KDM6A: variants seen among roughly 807,000 people sequenced by gnomAD.
KDM6A encodes the protein lysine demethylase 6A.
KDM6A carries 11 observed loss-of-function variants against 117.6 expected under a neutral mutation model. The observed-to-expected ratio is 0.09, with a 90% CI of 0.06 to 0.15. The LOEUF (loss-of-function observed/expected upper bound fraction) is 0.15. Among genes scored for constraint, KDM6A ranks in the 10% least tolerant of loss-of-function variants. KDM6A has a pLI of 1.00. For missense variants in KDM6A, 799 were observed against 1,077.3 expected (o/e 0.74, Z 3.62); for synonymous variants, 384 against 396.1 (o/e 0.97, Z 0.36).
intron 2 of KDM6A, among the ~76,000 whole-genome samples, chrX:44,889,287 T>G (rs1247984617): frequency 8.9e-6 from 1 of 112,248 alleles, no homozygotes; most frequent in Non-Finnish European, 1.9e-5. Context: ...AGTACTGGAA[T>G]TGCAGGTGTG....
intron 5 of KDM6A, among the ~76,000 whole-genome samples, chrX:45,011,755 AGTTT>A (rs1163302528): frequency 1.8e-5 from 2 of 110,808 alleles, no homozygotes; most frequent in African/African-American, 3.3e-5. Context: ...TTTCCTCTTT[AGTTT>A]GTTTATTTAT....
intron 27 of KDM6A, among the ~76,000 whole-genome samples, chrX:45,104,088 G>C (rs750043643): frequency 1.9e-5 from 2 of 105,758 alleles, no homozygotes; most frequent in Non-Finnish European, 3.9e-5. Flanking sequence ...GCAATGGTGC[G>C]ATCTCGTCTC....
Position 44,873,457 on chromosome X carries a change from G to T in KDM6A, c.-95G>T. ...CGGAGGAGGAGGCGGCGATAAAGTTGGTGTGCTGGTCCCGCGCGCAGATTG... is the reference window on the plus strand; with the variant it reads ...CGGAGGAGGAGGCGGCGATAAAGTTTGTGTGCTGGTCCCGCGCGCAGATTG... On this transcript the variant is annotated 5_prime_UTR_variant, in exon 1 of 30. Transcript: ENST00000611820. The T allele has an allele frequency of 8.9e-7, 1 of 1,122,256 alleles. No individual in the cohort carries two copies. Among genetic ancestry groups the T allele is most frequent in the Non-Finnish European group, 1.2e-6 (1 of 820,867 alleles). 92.5% of individuals were successfully genotyped at this position (1,122,256 alleles called of 1,213,427 possible). A position where few individuals can be genotyped will look rare whatever the true frequency, so the allele number is the denominator to read the frequency against.
intron 6 of KDM6A, among the ~76,000 whole-genome samples, chrX:45,021,941 GT>G (rs1307613934): frequency 8.9e-6 from 1 of 112,107 alleles, no homozygotes; most frequent in Non-Finnish European, 1.9e-5. Context: ...TGGAAAATAA[GT>G]TTATAAAGCT....
intron 18 of KDM6A, among the ~76,000 whole-genome samples, chrX:45,074,509 A>G (rs746722176): frequency 1.8e-5 from 2 of 111,986 alleles, no homozygotes; most frequent in East Asian, 2.8e-4. Flanking sequence ...GGAAATTCCT[A>G]TGTGTTTGAA....
chrX:45,068,810 C>CTCTTTCTCTTTCTCTTTCTCTT (rs2044675908), intron 17 of KDM6A, among the ~76,000 whole-genome samples: 1 of 101,336 alleles, frequency 9.9e-6, no homozygotes, highest in Non-Finnish European at 2.0e-5. Flanking sequence ...CTTTCTCTTT[C>CTCTTTCTCTTTCTCTTTCTCTT]TCTTTCTCTT....
chrX:44,902,395 C>T (rs2034406016), intron 2 of KDM6A, among the ~76,000 whole-genome samples: 1 of 104,855 alleles, frequency 9.5e-6, no homozygotes, highest in Non-Finnish European at 1.9e-5. Context: ...TCCATTTCTA[C>T]CTTTTTTTTT....
At chrX:45,032,242 A>G (rs1464068098) in intron 6 of KDM6A, among the ~76,000 whole-genome samples, 1 of 111,754 alleles carries the variant, frequency 8.9e-6, no homozygotes, top group East Asian at 2.8e-4. Flanking sequence ...TTGCAGGGAA[A>G]GGTGCTGGAT....
intron 27 of KDM6A, among the ~76,000 whole-genome samples, chrX:45,093,503 A>C (rs2045979751): frequency 9.0e-6 from 1 of 110,988 alleles, no homozygotes; most frequent in Admixed American, 9.6e-5. Context: ...AGTACAGACC[A>C]ACCTGGACAG....
At position 45,085,933 on chromosome X, in the gene KDM6A, G is replaced by C; in HGVS notation, c.3658G>C (p.Val1220Leu). ...TGGCCCAGGTGACTGTGAATGGTTTGTTGTTCCTGAAGGTTACTGGGGTGT... is the reference window on the plus strand; with the variant it reads ...TGGCCCAGGTGACTGTGAATGGTTTCTTGTTCCTGAAGGTTACTGGGGTGT... ...NIGPGDCEWF[V>L]VPEGYWGVLN... The change falls in exon 25 of 30, where the codon GTT becomes CTT. Residue 1220 changes from valine (V) to leucine (L), a missense_variant. Val to Leu is a conservative substitution (Grantham distance 32). Transcript: ENST00000611820. The C allele has an allele frequency of 8.3e-7, 1 of 1,203,878 alleles. No individual in the cohort carries two copies. Among genetic ancestry groups the C allele is most frequent in the Non-Finnish European group, 1.1e-6 (1 of 888,490 alleles).
intron 27 of KDM6A, among the ~76,000 whole-genome samples, chrX:45,102,217 T>C (rs910640058): frequency 2.1e-4 from 24 of 112,151 alleles, no homozygotes; most frequent in Non-Finnish European, 7.5e-5. Context: ...GGAACTCTTA[T>C]TAAAATAGGT....
intron 19 of KDM6A, among the ~76,000 whole-genome samples, chrX:45,077,870 A>G (rs919271193): frequency 9.0e-6 from 1 of 110,926 alleles, no homozygotes; most frequent in African/African-American, 3.3e-5. Flanking sequence ...TGTCCAACCA[A>G]TCTCCAGAAC....
chrX:45,094,308 T>C (rs1289079886), intron 27 of KDM6A, among the ~76,000 whole-genome samples: 1 of 111,745 alleles, frequency 8.9e-6, no homozygotes, highest in Non-Finnish European at 1.9e-5. Context: ...CACTGATGTT[T>C]CCAGCCCAAG....
intron 8 of KDM6A, among the ~76,000 whole-genome samples, chrX:45,048,355 CT>C (rs763819483): frequency 2.7e-5 from 3 of 110,623 alleles, no homozygotes; most frequent in Non-Finnish European, 3.8e-5. Flanking sequence ...TATATTTTTG[CT>C]TTATTAGCCA....
chrX:45,052,352 G>A (rs1222129497), intron 9 of KDM6A, among the ~76,000 whole-genome samples: 1 of 111,559 alleles, frequency 9.0e-6, no homozygotes, highest in Non-Finnish European at 1.9e-5. Flanking sequence ...TTTCTTGTTT[G>A]TATTTGATAT....
intron 2 of KDM6A, among the ~76,000 whole-genome samples, chrX:44,954,501 C>A (rs1285729219): frequency 8.9e-6 from 1 of 111,982 alleles, no homozygotes; most frequent in Non-Finnish European, 1.9e-5. Flanking sequence ...GCAACAAATT[C>A]TTTTACTGAT....
At chrX:44,970,912 A>T (rs1012813833) in intron 3 of KDM6A, among the ~76,000 whole-genome samples, 4 of 111,537 alleles carry the variant, frequency 3.6e-5, no homozygotes, top group African/African-American at 1.3e-4. Flanking sequence ...TTCCTTGTTC[A>T]CATCCATTAG....
At chrX:44,895,980 C>T (rs900859903) in intron 2 of KDM6A, among the ~76,000 whole-genome samples, 1 of 110,222 alleles carries the variant, frequency 9.1e-6, no homozygotes, top group Non-Finnish European at 1.9e-5. Context: ...TGTAACTTAC[C>T]ACTGTCTACT....
intron 19 of KDM6A, 24 bp from the exon 20 acceptor site, chrX:45,078,376 T>G (rs367856993): frequency 8.5e-7 from 1 of 1,175,555 alleles, no homozygotes; most frequent in African/African-American, 1.8e-5. Flanking sequence ...TCCTGAGATC[T>G]AACCACATAT....
Sources: allele counts gnomAD v4.1 joint callset (sites outside exome capture counted in the v4.1 genomes callset), GRCh38; gene constraint gnomAD v4.1.1; transcripts MANE v1.5; gene names NCBI Gene and HGNC (gene_info 2026-07-23, HGNC 2026-07-21).